The following DPF3 variants were observed in gnomAD, a reference collection of about 807,000 sequenced individuals.
DPF3 encodes double PHD fingers 3.
In DPF3, 18 loss-of-function variants were observed where a neutral mutation model predicts 56.8. That is an observed-to-expected ratio of 0.32 (90% confidence interval 0.22 to 0.47). The LOEUF is 0.47. Among genes scored for constraint, DPF3 ranks in the 20% least tolerant of loss-of-function variants. DPF3 has a pLI of 1.00. For missense variants in DPF3, 403 were observed against 488.8 expected, an observed-to-expected ratio of 0.82 and a Z score of 1.65; for synonymous variants, 188 against 180.2, an observed-to-expected ratio of 1.04 and a Z score of -0.35.
intron 1 of DPF3, among the ~76,000 whole-genome samples, chr14:72,890,787 G>T (rs2140136899): frequency 6.6e-6 from 1 of 152,292 alleles, no homozygotes; most frequent in East Asian, 1.9e-4. Context: ...AGATGTGACT[G>T]CTTGGTTGTG....
chr14:72,744,609 A>T (rs1033603307), intron 3 of DPF3, among the ~76,000 whole-genome samples: 1 of 152,020 alleles, frequency 6.6e-6, no homozygotes, highest in African/African-American at 2.4e-5. Flanking sequence ...AACAGCCCTC[A>T]AGATTCTTGA....
At chr14:72,694,553 T>C (rs1410174264) in intron 6 of DPF3, among the ~76,000 whole-genome samples, 1 of 152,228 alleles carries the variant, frequency 6.6e-6, no homozygotes, top group Non-Finnish European at 1.5e-5. Flanking sequence ...TTATTACTTC[T>C]GATAGAGTTT....
chr14:72,613,252 A>G lies in DPF3; in HGVS notation c.*6045T>C, dbSNP rs745630790. On this transcript the variant is annotated 3_prime_UTR_variant, in exon 11 of 11. Coordinates refer to ENST00000556509, the MANE Select transcript of DPF3 (RefSeq NM_001280542.3). ...GCCTCTGCCATTTCCTACAAGGCCC[A>G]CTTACCTGCCCTCCCGTCCCCACCA... 2.6e-5 allele frequency among the ~76,000 whole-genome samples: 4 copies of G among 152,128 alleles called. No individual in the cohort carries two copies. Among genetic ancestry groups the G allele is most frequent in the Non-Finnish European group, 4.4e-5 (3 of 68,016 alleles).
intron 8 of DPF3, among the ~76,000 whole-genome samples, chr14:72,651,750 G>A (rs1307783359): frequency 1.3e-5 from 2 of 152,202 alleles, no homozygotes; most frequent in East Asian, 3.9e-4. Context: ...CCTGCCAGGG[G>A]CTGAGGGTCT....
chr14:72,795,587 T>C (rs1459338978), intron 1 of DPF3, among the ~76,000 whole-genome samples: 1 of 152,176 alleles, frequency 6.6e-6, no homozygotes. Flanking sequence ...TTAGTTTGGT[T>C]CTATCAGACC....
chr14:72,845,292 G>A (rs977961721), intron 1 of DPF3, among the ~76,000 whole-genome samples: 4 of 152,192 alleles, frequency 2.6e-5, no homozygotes, highest in Admixed American at 1.3e-4. Flanking sequence ...GAGAAAACGT[G>A]GATGAAAACC....
chr14:72,773,096 A>G (rs911434045), intron 1 of DPF3, among the ~76,000 whole-genome samples: 5 of 151,592 alleles, frequency 3.3e-5, no homozygotes, highest in Non-Finnish European at 7.4e-5. Flanking sequence ...TATTTAGAGG[A>G]ATAAAAAAAG....
chr14:72,817,329 C>T (rs947937005), intron 1 of DPF3, among the ~76,000 whole-genome samples: 4 of 152,192 alleles, frequency 2.6e-5, no homozygotes, highest in African/African-American at 7.2e-5. Flanking sequence ...CCAGCTCTTA[C>T]ATCAACCTAA....
At chr14:72,788,984 C>A (rs1055954383) in intron 1 of DPF3, among the ~76,000 whole-genome samples, 5 of 152,184 alleles carry the variant, frequency 3.3e-5, no homozygotes, top group Admixed American at 6.5e-5. Context: ...TCTTCACATC[C>A]CTCCTCAAAG....
In DPF3 at chr14:72,863,100, A is replaced by ATATG. The variant is rs1413440131; in HGVS notation, c.32+30956_32+30957insCATA. Among the ~76,000 whole-genome samples, 243 of 110,164 alleles carry ATATG rather than the reference A, an allele frequency of 2.2e-3. 1 individual carries two copies. Among genetic ancestry groups the ATATG allele is most frequent in the African/African-American group, 6.7e-3 (189 of 28,198 alleles). 72.3% of individuals were successfully genotyped at this position (110,164 alleles called of 152,430 possible). ...TATATATATATATATATATATATATATGTGTGTGTATACATATATGTGTGT... is the reference window on the plus strand; with the variant it reads ...TATATATATATATATATATATATATATATGTGTGTGTGTATACATATATGTGTGT... On this transcript the variant is annotated intron_variant, in intron 1 of 10. Coordinates refer to ENST00000556509, the MANE Select transcript of DPF3 (RefSeq NM_001280542.3).
intron 10 of DPF3, 137 bp downstream of exon 10, chr14:72,619,766 G>T: frequency 1.2e-6 from 1 of 828,874 alleles, no homozygotes; most frequent in East Asian, 2.8e-5. Context: ...TACCTTGTGG[G>T]GTTGTGATGA....
chr14:72,654,225 C>T (rs917712226), intron 8 of DPF3, among the ~76,000 whole-genome samples: 2 of 152,072 alleles, frequency 1.3e-5, no homozygotes, highest in African/African-American at 4.8e-5. Context: ...ACTCCATTCA[C>T]GCTCATCTCT....
intron 1 of DPF3, among the ~76,000 whole-genome samples, chr14:72,808,342 GGAA>G (rs1000069062): frequency 9.2e-5 from 14 of 152,294 alleles, no homozygotes; most frequent in South Asian, 2.1e-4. Context: ...GCAGGGACAG[GGAA>G]GAAGAAGAAA....
intron 1 of DPF3, among the ~76,000 whole-genome samples, chr14:72,890,755 T>G (rs1174903717): frequency 2.0e-5 from 3 of 152,088 alleles, no homozygotes; most frequent in African/African-American, 7.2e-5. Flanking sequence ...TGTCCACCAG[T>G]GCTTTTGAAT....
intron 7 of DPF3, among the ~76,000 whole-genome samples, chr14:72,690,621 A>G (rs1887639205): frequency 6.6e-6 from 1 of 151,858 alleles, no homozygotes; most frequent in East Asian, 1.9e-4. Context: ...GCACGCACAC[A>G]CACACACATA....
At chr14:72,854,141 G>A (rs1408250764) in intron 1 of DPF3, among the ~76,000 whole-genome samples, 1 of 152,160 alleles carries the variant, frequency 6.6e-6, no homozygotes, top group African/African-American at 2.4e-5. Flanking sequence ...CGGATCACTT[G>A]GGGTCAGGAG....
chr14:72,662,147 A>C, intron 8 of DPF3: 30 of 985,398 alleles, frequency 3.0e-5, no homozygotes, highest in Non-Finnish European at 3.5e-5. Context: ...AGACTTTTGA[A>C]GGAGGAAAAA....
chr14:72,784,865 G>A (rs1401384715), intron 1 of DPF3, among the ~76,000 whole-genome samples: 1 of 152,124 alleles, frequency 6.6e-6, no homozygotes, highest in Non-Finnish European at 1.5e-5. Context: ...GCTGAGGCAG[G>A]AGAATGGCTT....
chr14:72,698,705 G>C (rs1167549536), intron 6 of DPF3, among the ~76,000 whole-genome samples: 1 of 152,086 alleles, frequency 6.6e-6, no homozygotes, highest in East Asian at 1.9e-4. Context: ...AAGTAGGCTA[G>C]GCTACACTAT....
Sources: gnomAD v4.1 joint callset for allele counts (sites outside exome capture counted in the v4.1 genomes callset) on GRCh38, gnomAD v4.1.1 for gene constraint, MANE v1.5 for transcripts, NCBI Gene and HGNC (gene_info 2026-07-23, HGNC 2026-07-21) for gene names.